GLIS3: variants seen among roughly 807,000 people sequenced by gnomAD.
GLIS3 encodes zinc finger protein GLIS3.
In GLIS3, 53 loss-of-function variants were observed where a neutral mutation model predicts 78.6. The observed-to-expected ratio is 0.67, with a 90% CI of 0.54 to 0.85. The LOEUF (loss-of-function observed/expected upper bound fraction) is 0.85. GLIS3 is among the 40% of genes least tolerant of loss of function. GLIS3 has a pLI of 0.00. For missense variants in GLIS3, 1,703 were observed against 1,231.1 expected, an observed-to-expected ratio of 1.38 and a Z score of -5.74; for synonymous variants, 684 against 509.9, an observed-to-expected ratio of 1.34 and a Z score of -4.60.
the GLIS3 span, among the ~76,000 whole-genome samples, chr9:4,359,144 C>G: frequency 6.6e-6 from 1 of 152,110 alleles, no homozygotes; most frequent in Admixed American, 6.5e-5. Flanking sequence ...CCAGTTAAGT[C>G]AATTGCTGCA....
intron 4 of GLIS3, among the ~76,000 whole-genome samples, chr9:4,064,027 A>G (rs530816872): frequency 2.0e-5 from 3 of 152,334 alleles, no homozygotes; most frequent in Non-Finnish European, 4.4e-5. Flanking sequence ...CAACTCTGAA[A>G]TGTAGAAGCT....
chr9:4,075,242 TGTCA>T (rs1323660175), intron 4 of GLIS3, among the ~76,000 whole-genome samples: 1 of 151,974 alleles, frequency 6.6e-6, no homozygotes, highest in Non-Finnish European at 1.5e-5. Flanking sequence ...ATCAATTAGA[TGTCA>T]GTAAGATTTA....
the GLIS3 span, among the ~76,000 whole-genome samples, chr9:4,439,123 T>C: frequency 0.039 from 5,897 of 152,272 alleles, 258 homozygotes; most frequent in East Asian, 0.21. Flanking sequence ...CTCTCTGTGC[T>C]GCATGCTGAG....
chr9:4,203,977 G>A (rs1411163016), intron 2 of GLIS3, among the ~76,000 whole-genome samples: 1 of 152,166 alleles, frequency 6.6e-6, no homozygotes, highest in African/African-American at 2.4e-5. Flanking sequence ...GAGAAATGGG[G>A]CAAGGGTTGA....
intron 4 of GLIS3, among the ~76,000 whole-genome samples, chr9:4,000,712 C>T (rs1345310059): frequency 6.6e-6 from 1 of 152,200 alleles, no homozygotes; most frequent in African/African-American, 2.4e-5. Flanking sequence ...CTCCAGTTAC[C>T]TTTGCAGCTT....
chr9:4,376,776 A>C, the GLIS3 span, among the ~76,000 whole-genome samples: 3 of 136,046 alleles, frequency 2.2e-5, 1 homozygote, highest in Admixed American at 2.2e-4. Context: ...TAATGAGAAT[A>C]CTCAATGCTG....
At chr9:4,364,147 C>T in the GLIS3 span, among the ~76,000 whole-genome samples, 1 of 152,172 alleles carries the variant, frequency 6.6e-6, no homozygotes, top group African/African-American at 2.4e-5. Flanking sequence ...GGGTCTCATT[C>T]TAAAAGTGGA....
chr9:4,244,418 A>C (rs553917942), intron 2 of GLIS3, among the ~76,000 whole-genome samples: 1 of 152,382 alleles, frequency 6.6e-6, no homozygotes, highest in African/African-American at 2.4e-5. Context: ...TAGTATTTAC[A>C]TAATTTAATT....
At chr9:4,467,163 C>A in the GLIS3 span, among the ~76,000 whole-genome samples, 1 of 152,304 alleles carries the variant, frequency 6.6e-6, no homozygotes, top group East Asian at 1.9e-4. Context: ...CCCACCACAG[C>A]TCAAGGAGGC....
At chr9:4,251,493 C>G (rs533980952) in intron 2 of GLIS3, among the ~76,000 whole-genome samples, 2 of 149,002 alleles carry the variant, frequency 1.3e-5, no homozygotes, top group Non-Finnish European at 3.0e-5. Context: ...TATTTTGAGC[C>G]TATGTGTGTC....
intron 2 of GLIS3, among the ~76,000 whole-genome samples, chr9:4,331,133 G>A (rs199545824): frequency 3.6e-5 from 1 of 28,126 alleles, no homozygotes; most frequent in African/African-American, 5.0e-5. Flanking sequence ...TCTAGAAGCT[G>A]TAAGTCTCAA....
chr9:4,132,776 G>A (rs1208975740), intron 2 of GLIS3, among the ~76,000 whole-genome samples: 2 of 152,090 alleles, frequency 1.3e-5, no homozygotes, highest in East Asian at 3.8e-4. Flanking sequence ...TCATACGAGA[G>A]CAATTTCTAT....
chr9:4,218,198 G>C (rs948096409), intron 2 of GLIS3, among the ~76,000 whole-genome samples: 1 of 152,084 alleles, frequency 6.6e-6, no homozygotes, highest in Non-Finnish European at 1.5e-5. Context: ...GCGAGTCTTT[G>C]ATGATATTTA....
At chr9:4,288,646 G>A (rs902440775) in intron 1 of GLIS3, among the ~76,000 whole-genome samples, 15 of 152,000 alleles carry the variant, frequency 9.9e-5, no homozygotes, top group African/African-American at 3.1e-4. Context: ...TTAAGTATCA[G>A]GCATTCACAT....
At chr9:4,127,294 G>C (rs1435257303) in intron 2 of GLIS3, among the ~76,000 whole-genome samples, 2 of 152,166 alleles carry the variant, frequency 1.3e-5, no homozygotes, top group Non-Finnish European at 2.9e-5. Flanking sequence ...TATGACACCT[G>C]TGTGCTTAAA....
intron 4 of GLIS3, among the ~76,000 whole-genome samples, chr9:3,965,188 C>CAAT (rs1554659573): frequency 1.0e-5 from 1 of 98,998 alleles, no homozygotes; most frequent in Non-Finnish European, 2.0e-5. Flanking sequence ...TCTTTCTTTT[C>CAAT]TTTTCTTTTT....
At chr9:4,417,670 A>G in the GLIS3 span, among the ~76,000 whole-genome samples, 2 of 152,202 alleles carry the variant, frequency 1.3e-5, no homozygotes, top group Non-Finnish European at 2.9e-5. Context: ...AAAAGTGTGC[A>G]TTTTAAATAT....
chr9:3,930,055 G>C (rs996985531), intron 6 of GLIS3, among the ~76,000 whole-genome samples: 1 of 152,170 alleles, frequency 6.6e-6, no homozygotes, highest in African/African-American at 2.4e-5. Context: ...ATTAGCAACT[G>C]CTTCTCCGGG....
At position 3,922,774 on chromosome 9, in the gene GLIS3, T is replaced by G. The variant is rs553617461; in HGVS notation, c.1983+9586A>C. Among the ~76,000 whole-genome samples the G allele has an allele frequency of 2.0e-5, 3 of 152,026 alleles. No homozygotes were observed. In the South Asian group the frequency reaches 6.2e-4, roughly 32 times the overall value. The stretch of plus-strand genomic sequence containing the variant: ...ATATAAAGAGAGAAAGCCAAAAAAA[T>G]GGAGAAAGAGATGCATATCTCAAAT... On this transcript the variant is annotated intron_variant, in intron 6 of 10. Transcript: ENST00000381971.
Sources: gnomAD v4.1 joint callset for allele counts (sites outside exome capture counted in the v4.1 genomes callset) on GRCh38, gnomAD v4.1.1 for gene constraint, MANE v1.5 for transcripts, NCBI Gene and HGNC (gene_info 2026-07-23, HGNC 2026-07-21) for gene names.